Variants in NCAPG2 observed in about 807,000 individuals in gnomAD.
The protein encoded by NCAPG2 is non-SMC condensin II complex subunit G2.
In NCAPG2, 53 loss-of-function variants were observed where a neutral mutation model predicts 141.1. The observed-to-expected ratio is 0.38, with a 90% confidence interval of 0.30 to 0.47. NCAPG2 has a LOEUF of 0.47. Among genes scored for constraint, NCAPG2 ranks in the 20% least tolerant of loss-of-function variants. The probability of loss-of-function intolerance (pLI) is 0.99; values close to 1 mark genes in which losing one functional copy is unlikely to be tolerated. For synonymous variants in NCAPG2, 499 were observed against 490.7 expected, an observed-to-expected ratio of 1.02 and a Z score of -0.22; for missense variants, 1,087 against 1,389.0, an observed-to-expected ratio of 0.78 and a Z score of 3.46.
chr7:158,650,672 T>A (rs890645947), intron 24 of NCAPG2, among the ~76,000 whole-genome samples, 160 bp downstream of exon 24: 1 of 152,212 alleles, frequency 6.6e-6, no homozygotes, highest in African/African-American at 2.4e-5. Context: ...TAACTAGCTA[T>A]CAAACTCTGA....
At chr7:158,692,648 A>G (rs896461063) in intron 4 of NCAPG2, among the ~76,000 whole-genome samples, 194 bp downstream of exon 4, 2 of 152,172 alleles carry the variant, frequency 1.3e-5, no homozygotes, top group Non-Finnish European at 2.9e-5. Context: ...GGCTGAGGCA[A>G]GAGAATCGCT....
chr7:158,637,449 C>T (rs545480274), intron 27 of NCAPG2, among the ~76,000 whole-genome samples: 121 of 8,918 alleles, frequency 0.014, no homozygotes, highest in African/African-American at 0.042. Flanking sequence ...TCCGTAAGGC[C>T]CCCCTTTCTC....
At chr7:158,674,559 G>C (rs1352892575) in intron 12 of NCAPG2, among the ~76,000 whole-genome samples, 4 of 152,158 alleles carry the variant, frequency 2.6e-5, no homozygotes, top group African/African-American at 9.7e-5. Flanking sequence ...CAAAGTGCTG[G>C]GATTACAGGT....
chr7:158,702,091 A>T (rs1449064042), intron 1 of NCAPG2, among the ~76,000 whole-genome samples, 153 bp from the exon 2 acceptor site: 2 of 152,222 alleles, frequency 1.3e-5, no homozygotes, highest in African/African-American at 4.8e-5. Context: ...ACACGCTATA[A>T]TATCTGAAAA....
At chr7:158,675,793 C>T (rs1834012929) in intron 11 of NCAPG2, 137 bp from the exon 12 acceptor site, 1 of 871,282 alleles carries the variant, frequency 1.1e-6, no homozygotes, top group African/African-American at 1.7e-5. Context: ...CATATGGATT[C>T]CTAGACCTGA....
intron 24 of NCAPG2, among the ~76,000 whole-genome samples, chr7:158,648,907 C>G (rs77888433): frequency 0.29 from 8,886 of 31,058 alleles, 923 homozygotes; most frequent in East Asian, 0.48. Context: ...TATAACCACG[C>G]CAAATGGACT....
chr7:158,666,332 G>A (rs954435540), intron 13 of NCAPG2, among the ~76,000 whole-genome samples: 11 of 152,138 alleles, frequency 7.2e-5, no homozygotes, highest in African/African-American at 2.4e-4. Context: ...TGACAGCGAG[G>A]TATCAAGCCC....
At chr7:158,676,507 A>T (rs1161822537) in intron 11 of NCAPG2, among the ~76,000 whole-genome samples, 1 of 151,804 alleles carries the variant, frequency 6.6e-6, no homozygotes, top group African/African-American at 2.4e-5. Context: ...AATCATCGTT[A>T]ATTTATCTTT....
chr7:158,639,231 T>A (rs1830479889), intron 27 of NCAPG2, among the ~76,000 whole-genome samples: 1 of 152,032 alleles, frequency 6.6e-6, no homozygotes, highest in Non-Finnish European at 1.5e-5. Context: ...CCTCAGCCTC[T>A]TGGGTAGCTG....
chr7:158,656,874 T>C (rs1832019961), intron 17 of NCAPG2, among the ~76,000 whole-genome samples, 169 bp from the exon 18 acceptor site: 1 of 152,160 alleles, frequency 6.6e-6, no homozygotes, highest in Non-Finnish European at 1.5e-5. Flanking sequence ...TTTCCCACAA[T>C]TGCTGCTCAG....
chr7:158,680,946 T>A, intron 9 of NCAPG2, 130 bp from the exon 10 acceptor site: 1 of 594,930 alleles, frequency 1.7e-6, no homozygotes, highest in South Asian at 2.9e-5. Flanking sequence ...GGCATCCACA[T>A]GTCATGACAA....
chr7:158,675,510 C>T lies in NCAPG2; in HGVS notation c.1293G>A (p.Thr431=), dbSNP rs377533159. Residue 431 remains threonine (T), a synonymous_variant, in exon 12 of 28, where the codon ACG becomes ACA. Transcript: ENST00000356309. The part of the protein sequence containing the change: ...KKVTGELAFD[T]SSADVRCSVF... ...CAGAACAACGAACATCAGCTGAGCT[C>T]GTGTCAAATGCCAGTTCCCCAGTCA... The T allele has an allele frequency of 6.2e-6, 10 of 1,611,506 alleles. No homozygotes were observed. Among genetic ancestry groups the T allele is most frequent in the Middle Eastern group, 1.7e-4 (1 of 6,058 alleles).
At chr7:158,702,080 A>G (rs1300088684) in intron 1 of NCAPG2, 142 bp from the exon 2 acceptor site, 3 of 543,768 alleles carry the variant, frequency 5.5e-6, no homozygotes, top group Admixed American at 3.9e-5. Context: ...TCTGACATAA[A>G]ACACGCTATA....
At chr7:158,702,811 T>TCATAAG (rs1835894383) in intron 1 of NCAPG2, among the ~76,000 whole-genome samples, 1 of 152,090 alleles carries the variant, frequency 6.6e-6, no homozygotes, top group Non-Finnish European at 1.5e-5. Context: ...ATAACCTCAG[T>TCATAAG]TTAATGACTC....
chr7:158,631,764 A>T, intron 27 of NCAPG2, 47 bp from the exon 28 acceptor site: 1 of 1,405,782 alleles, frequency 7.1e-7, no homozygotes, highest in Non-Finnish European at 1.0e-6. Context: ...AAAGTGACCA[A>T]ATTATCCAAA....
At chr7:158,675,749 CT>C in intron 11 of NCAPG2, 93 bp from the exon 12 acceptor site, 1 of 1,286,202 alleles carries the variant, frequency 7.8e-7, no homozygotes, top group South Asian at 1.4e-5. Context: ...GGATTCGTAA[CT>C]TAGAGAAACT....
intron 25 of NCAPG2, 146 bp downstream of exon 25, chr7:158,646,314 A>G (rs887625357): frequency 1.7e-6 from 1 of 579,054 alleles, no homozygotes; most frequent in African/African-American, 2.0e-5. Flanking sequence ...ATTACTGATA[A>G]AATGGAGAAA....
At chr7:158,673,553 C>T (rs954512212) in intron 12 of NCAPG2, among the ~76,000 whole-genome samples, 9 of 152,232 alleles carry the variant, frequency 5.9e-5, no homozygotes, top group African/African-American at 1.2e-4. Context: ...GGCTGTGTCA[C>T]GGCTTAATGT....
At chr7:158,684,628 A>G (rs1834642864) in intron 8 of NCAPG2, among the ~76,000 whole-genome samples, 1 of 152,252 alleles carries the variant, frequency 6.6e-6, no homozygotes. Flanking sequence ...GAAAAACTTA[A>G]AGAGAGGGAG....
Sources: gnomAD v4.1 joint callset for allele counts (sites outside exome capture counted in the v4.1 genomes callset) on GRCh38, gnomAD v4.1.1 for gene constraint, MANE v1.5 for transcripts, NCBI Gene and HGNC (gene_info 2026-07-23, HGNC 2026-07-21) for gene names.